Variants in HPCAL1 observed in about 807,000 individuals in gnomAD.
HPCAL1 encodes hippocalcin like 1.
In HPCAL1, 8 loss-of-function variants were observed where a neutral mutation model predicts 17.1. The ratio of observed to expected loss-of-function variants is 0.47; its 90% CI spans 0.27 to 0.84. The LOEUF (loss-of-function observed/expected upper bound fraction) is 0.84, where lower values mean the gene tolerates loss of function less well. HPCAL1 is among the 40% of genes least tolerant of loss of function. The pLI, the probability that HPCAL1 is intolerant of heterozygous loss-of-function variation, is 0.13. For missense variants in HPCAL1, 165 were observed against 271.1 expected, an observed-to-expected ratio of 0.61 and a Z score of 2.75; for synonymous variants, 112 against 111.4, an observed-to-expected ratio of 1.01 and a Z score of -0.03.
intron 1 of HPCAL1, among the ~76,000 whole-genome samples, chr2:10,369,798 G>A (rs1229191514): frequency 3.9e-5 from 6 of 152,206 alleles, no homozygotes; most frequent in Non-Finnish European, 8.8e-5. Flanking sequence ...ACTAGGGAAA[G>A]CTGAAATTGA....
intron 1 of HPCAL1, among the ~76,000 whole-genome samples, chr2:10,391,085 G>C (rs773782985): frequency 1.4e-4 from 21 of 152,230 alleles, no homozygotes; most frequent in Non-Finnish European, 2.1e-4. Flanking sequence ...GCTTCTCAAA[G>C]GTGGGGACGC....
chr2:10,346,355 C>A (rs2125453146), intron 1 of HPCAL1, among the ~76,000 whole-genome samples: 1 of 152,290 alleles, frequency 6.6e-6, no homozygotes, highest in African/African-American at 2.4e-5. Flanking sequence ...ATGGGACTGA[C>A]CCCATCACAG....
At chr2:10,356,474 G>A (rs1666165443) in intron 1 of HPCAL1, among the ~76,000 whole-genome samples, 2 of 152,094 alleles carry the variant, frequency 1.3e-5, no homozygotes. Flanking sequence ...AGAGGGTGGT[G>A]GGGGGCACAT....
At chr2:10,352,649 G>C (rs546333840) in intron 1 of HPCAL1, among the ~76,000 whole-genome samples, 2 of 152,182 alleles carry the variant, frequency 1.3e-5, no homozygotes, top group Non-Finnish European at 2.9e-5. Flanking sequence ...GCTCTCCTTC[G>C]CATGGGTGTC....
chr2:10,312,200 CTGT>C (rs1663013763), intron 1 of HPCAL1, among the ~76,000 whole-genome samples: 1 of 24,494 alleles, frequency 4.1e-5, no homozygotes, highest in Non-Finnish European at 1.0e-4. Context: ...ATCATCATCA[CTGT>C]CATCATCAAC....
intron 1 of HPCAL1, among the ~76,000 whole-genome samples, chr2:10,316,180 G>T (rs1022160731): frequency 1.3e-5 from 2 of 152,116 alleles, no homozygotes; most frequent in African/African-American, 4.8e-5. Flanking sequence ...TTTGAACCTT[G>T]GGTATTTTAA....
intron 1 of HPCAL1, among the ~76,000 whole-genome samples, chr2:10,322,237 C>T (rs995981083): frequency 4.6e-5 from 7 of 152,066 alleles, no homozygotes; most frequent in African/African-American, 1.4e-4. Flanking sequence ...TGCCCAAATT[C>T]GTCTTGAACT....
At chr2:10,368,477 C>T (rs539116418) in intron 1 of HPCAL1, among the ~76,000 whole-genome samples, 4 of 152,340 alleles carry the variant, frequency 2.6e-5, no homozygotes, top group South Asian at 2.1e-4. Context: ...CTCCCAGCTC[C>T]GGCCTGGCTT....
chr2:10,379,449 G>T (rs1229439016), intron 1 of HPCAL1, among the ~76,000 whole-genome samples: 1 of 151,930 alleles, frequency 6.6e-6, no homozygotes, highest in African/African-American at 2.4e-5. Flanking sequence ...TTGGTGGGCT[G>T]GGCTGGGCTA....
chr2:10,360,258 TC>T (rs925175704), intron 1 of HPCAL1, among the ~76,000 whole-genome samples: 1 of 152,078 alleles, frequency 6.6e-6, no homozygotes, highest in African/African-American at 2.4e-5. Context: ...TTCCCTAGAC[TC>T]CCAGGCAGGG....
intron 1 of HPCAL1, among the ~76,000 whole-genome samples, chr2:10,372,651 C>T (rs922582502): frequency 1.7e-4 from 26 of 152,360 alleles, no homozygotes; most frequent in African/African-American, 5.3e-4. Flanking sequence ...GCCTGGAGAG[C>T]TCTTCCTCCC....
chr2:10,327,181 A>T (rs943407636), intron 1 of HPCAL1, among the ~76,000 whole-genome samples: 3 of 152,140 alleles, frequency 2.0e-5, no homozygotes, highest in Non-Finnish European at 4.4e-5. Flanking sequence ...ACCTTCCCCC[A>T]ACTCCTGGGA....
At chr2:10,418,191 C>T (rs1487871585) in intron 2 of HPCAL1, among the ~76,000 whole-genome samples, 1 of 151,860 alleles carries the variant, frequency 6.6e-6, no homozygotes, top group Non-Finnish European at 1.5e-5. Flanking sequence ...CCAAGGCAGG[C>T]GAATCACTTG....
At chr2:10,376,691 C>T (rs1449363096) in intron 1 of HPCAL1, among the ~76,000 whole-genome samples, 2 of 152,174 alleles carry the variant, frequency 1.3e-5, no homozygotes, top group African/African-American at 4.8e-5. Flanking sequence ...CCCGCCTCGG[C>T]TTCCCAAAGT....
At chr2:10,379,108 A>G (rs1667779010) in intron 1 of HPCAL1, among the ~76,000 whole-genome samples, 3 of 152,040 alleles carry the variant, frequency 2.0e-5, no homozygotes. Flanking sequence ...CGGGCAGATC[A>G]CTTGAGGTCA....
intron 2 of HPCAL1, among the ~76,000 whole-genome samples, chr2:10,399,448 TCAC>T (rs1385988233): frequency 9.2e-4 from 16 of 17,436 alleles, no homozygotes; most frequent in East Asian, 3.1e-3. Flanking sequence ...ACCATCACCA[TCAC>T]CACCACCACC....
At chr2:10,345,768 T>A (rs1293291946) in intron 1 of HPCAL1, among the ~76,000 whole-genome samples, 1 of 152,238 alleles carries the variant, frequency 6.6e-6, no homozygotes, top group African/African-American at 2.4e-5. Flanking sequence ...GAAAAACTTT[T>A]AAAAATTTTG....
intron 1 of HPCAL1, among the ~76,000 whole-genome samples, chr2:10,307,316 C>A (rs1256682599): frequency 6.6e-6 from 1 of 152,226 alleles, no homozygotes. Flanking sequence ...TAGCTTAAAT[C>A]TTTCCTTGCT....
intron 1 of HPCAL1, among the ~76,000 whole-genome samples, chr2:10,338,543 G>A (rs1284093926): frequency 1.3e-5 from 2 of 152,156 alleles, no homozygotes; most frequent in Non-Finnish European, 2.9e-5. Context: ...TGGGGCAGGT[G>A]TCACGGAGCG....
Sources: gnomAD v4.1 joint callset for allele counts (sites outside exome capture counted in the v4.1 genomes callset) on GRCh38, gnomAD v4.1.1 for gene constraint, MANE v1.5 for transcripts, NCBI Gene and HGNC (gene_info 2026-07-23, HGNC 2026-07-21) for gene names.